MICAL2: variants seen among roughly 807,000 people sequenced by gnomAD.
MICAL2 encodes the protein [F-actin]-monooxygenase MICAL2.
Under a neutral mutation model 127.3 loss-of-function variants are expected in MICAL2, and 77 were observed. The ratio of observed to expected loss-of-function variants is 0.60; its 90% confidence interval spans 0.50 to 0.73. The LOEUF (loss-of-function observed/expected upper bound fraction) is 0.73, where lower values mean the gene tolerates loss of function less well. Among genes scored for constraint, MICAL2 ranks in the 30% least tolerant of loss-of-function variants. MICAL2 has a pLI of 0.00. For missense variants in MICAL2, 1,351 were observed against 1,434.4 expected (o/e 0.94, Z 0.94); for synonymous variants, 570 against 551.1 (o/e 1.03, Z -0.48).
downstream of MICAL2, among the ~76,000 whole-genome samples, chr11:12,264,405 G>A (rs903208): frequency 0.43 from 65,479 of 152,006 alleles, 16,834 homozygotes; most frequent in East Asian, 0.65. Flanking sequence ...AGCACCACCC[G>A]AAGTATAGTA....
intron 1 of MICAL2, among the ~76,000 whole-genome samples, chr11:12,133,400 C>A (rs533359280): frequency 3.3e-4 from 50 of 152,200 alleles, no homozygotes; most frequent in African/African-American, 1.1e-3. Flanking sequence ...CATTTAAAAC[C>A]CTTTAAAAAC....
At chr11:12,317,975 AAG>A (rs1326362497) in intron 29 of MICAL2, among the ~76,000 whole-genome samples, 2 of 152,212 alleles carry the variant, frequency 1.3e-5, no homozygotes, top group African/African-American at 4.8e-5. Context: ...TGAAAGTTAA[AAG>A]AAGTTTCAAC....
At chr11:12,159,105 ATCTCACTCTAGAT>A (rs1487299718) in intron 2 of MICAL2, among the ~76,000 whole-genome samples, 49 of 152,052 alleles carry the variant, frequency 3.2e-4, no homozygotes, top group African/African-American at 1.1e-3. Context: ...ACCTCCCCTT[ATCTCACTCTAGAT>A]AAGGGCTGGT....
chr11:12,111,205 C>T lies in MICAL2; in HGVS notation c.-149+479C>T, dbSNP rs114485596. ...CCCCTGTCCCCTCCCTCTTTAGTAA[C>T]AGGAAGTTAAGTTGGGCCAAATGTC... On this transcript the variant is annotated intron_variant, in intron 1 of 27. Coordinates refer to ENST00000683283, the MANE Select transcript of MICAL2 (RefSeq NM_001282663.2). Among the ~76,000 whole-genome samples, 1,099 of 152,284 alleles carry T rather than the reference C, an allele frequency of 7.2e-3. 8 individuals carry two copies. Among genetic ancestry groups the T allele is most frequent in the African/African-American group, 0.025 (1,024 of 41,566 alleles).
chr11:12,328,741 C>T (rs151013169), intron 32 of MICAL2, among the ~76,000 whole-genome samples: 4 of 152,250 alleles, frequency 2.6e-5, no homozygotes, highest in Admixed American at 6.5e-5. Flanking sequence ...ATATAAACAA[C>T]AGGTTACTTG....
chr11:12,333,556 G>T (rs1938688453), intron 32 of MICAL2, among the ~76,000 whole-genome samples: 1 of 152,146 alleles, frequency 6.6e-6, no homozygotes, highest in Non-Finnish European at 1.5e-5. Context: ...GCAGAGAAAG[G>T]CAAGAGGTTT....
intron 32 of MICAL2, among the ~76,000 whole-genome samples, chr11:12,328,002 A>G (rs899941437): frequency 2.0e-5 from 3 of 152,230 alleles, no homozygotes; most frequent in Non-Finnish European, 4.4e-5. Flanking sequence ...AATGGGGATA[A>G]TGGTGGTTTT....
In MICAL2 at chr11:12,226,294, G is replaced by A; in HGVS notation, c.1812G>A (p.Glu604=). The A allele has an allele frequency of 6.2e-7, 1 of 1,614,250 alleles. No homozygotes were observed. Among genetic ancestry groups the A allele is most frequent in the Non-Finnish European group, 8.5e-7 (1 of 1,180,040 alleles). Residue 604 remains glutamate (E), a synonymous_variant, in exon 14 of 28, where the codon GAG becomes GAA. Transcript: ENST00000683283. The part of the protein sequence containing the change: ...TTGKEMASAQ[E]PDKLSMVMYL... ...GCAAAGAGATGGCATCTGCCCAGGA[G>A]CCTGACAAGCTCAGCATGGTCATGT... is the stretch of plus-strand genomic sequence containing the variant.
intron 29 of MICAL2, among the ~76,000 whole-genome samples, chr11:12,314,538 G>A (rs1864210910): frequency 6.6e-6 from 1 of 151,838 alleles, no homozygotes; most frequent in Non-Finnish European, 1.5e-5. Flanking sequence ...GAGTGCAGTG[G>A]CGCGATCTCG....
At chr11:12,288,609 G>A (rs1863856085), downstream of MICAL2, among the ~76,000 whole-genome samples, 1 of 152,220 alleles carries the variant, frequency 6.6e-6, no homozygotes, top group African/African-American at 2.4e-5. Context: ...CAGGGCTTGA[G>A]TTTTGATCAT....
At position 12,326,351 on chromosome 11, in the gene MICAL2, G is replaced by A. The variant is rs574340034; in HGVS notation, c.5422-822G>A. Reference sequence around the variant, plus strand: ...GAAAGCAGAGAAAATGGATGGGGATGAACAAAATTTATATAGGAATGGCTT... The same window carrying A: ...GAAAGCAGAGAAAATGGATGGGGATAAACAAAATTTATATAGGAATGGCTT... On this transcript the variant is annotated intron_variant, in intron 31 of 34. Coordinates refer to the MICAL2 transcript ENST00000646065. Among the ~76,000 whole-genome samples, 15 of 152,318 alleles carry A rather than the reference G, an allele frequency of 9.8e-5. No individual in the cohort carries two copies. The South Asian group carries it at 2.9e-3, about 29-fold the overall frequency.
At chr11:12,200,203 C>G (rs189136374) in intron 3 of MICAL2, among the ~76,000 whole-genome samples, 1 of 152,144 alleles carries the variant, frequency 6.6e-6, no homozygotes, top group South Asian at 2.1e-4. Context: ...AAATATGACC[C>G]GCAGAGCTGG....
At position 12,204,289 on chromosome 11, in the gene MICAL2, G is replaced by C; in HGVS notation, c.304G>C (p.Ala102Pro). The change falls in exon 4 of 28, where the codon GCC (alanine) becomes CCC (proline). Residue 102 changes from alanine to proline, a missense_variant. Transcript: ENST00000683283. ...VGGGPCGLRT[A>P]IELAYLGAKV... ...GGGAGGACCCTGTGGCTTGCGCACT[G>C]CCATTGAACTTGCCTACCTGGGAGC... 6.2e-7 allele frequency: 1 copy of C among 1,613,988 alleles called. No homozygotes were observed. Among genetic ancestry groups the C allele is most frequent in the Non-Finnish European group, 8.5e-7 (1 of 1,180,028 alleles).
Position 12,242,410 on chromosome 11 carries a change from A to T in MICAL2, c.2534A>T (p.Gln845Leu). ...TCCGGGGTGCTGTGGCGGCTGCAGC[A>T]AGTGGAGGAAAAGATTCTCCAGGTG... ...ALSGVLWRLQ[Q>L]VEEKILQKRA... The change falls in exon 19 of 28, where the codon CAA (glutamine) becomes CTA (leucine). Residue 845 changes from glutamine (Q) to leucine (L), a missense_variant. Transcript: ENST00000683283. 6.2e-7 allele frequency: 1 copy of T among 1,607,972 alleles called. No individual in the cohort carries two copies.
intron 1 of MICAL2, among the ~76,000 whole-genome samples, chr11:12,133,715 G>A (rs1487580243): frequency 6.6e-6 from 1 of 152,066 alleles, no homozygotes; most frequent in Non-Finnish European, 1.5e-5. Context: ...TTGCCCTCAA[G>A]AGCAGGAAAC....
intron 33 of MICAL2, among the ~76,000 whole-genome samples, chr11:12,353,458 A>G (rs1939084799): frequency 6.6e-6 from 1 of 151,796 alleles, no homozygotes; most frequent in Admixed American, 6.6e-5. Context: ...CTGTCTTCAA[A>G]CTGTTTCTTT....
At chr11:12,303,304 G>A (rs1426204093) in intron 29 of MICAL2, among the ~76,000 whole-genome samples, 15 of 152,150 alleles carry the variant, frequency 9.9e-5, no homozygotes, top group Non-Finnish European at 2.2e-4. Flanking sequence ...AGATGTTCTC[G>A]CTTACCTTCT....
chr11:12,216,470 A>G, intron 8 of MICAL2, 151 bp downstream of exon 8: 1 of 642,176 alleles, frequency 1.6e-6, no homozygotes, highest in Non-Finnish European at 2.8e-6. Flanking sequence ...TCTTGGTGTT[A>G]CATGAGTATT....
At chr11:12,292,570 A>G (rs1350471596), downstream of MICAL2, among the ~76,000 whole-genome samples, 2 of 152,182 alleles carry the variant, frequency 1.3e-5, no homozygotes, top group Non-Finnish European at 2.9e-5. Flanking sequence ...GGTCTCCATG[A>G]GATACAGAGC....
Sources: gnomAD v4.1 joint callset for allele counts (sites outside exome capture counted in the v4.1 genomes callset) on GRCh38, gnomAD v4.1.1 for gene constraint, MANE v1.5 for transcripts, NCBI Gene and HGNC (gene_info 2026-07-23, HGNC 2026-07-21) for gene names.